MYO19: variants seen among roughly 807,000 people sequenced by gnomAD.
The protein encoded by MYO19 is unconventional myosin-XIX.
A neutral mutation model predicts 129.2 loss-of-function variants in MYO19; 132 were observed. The ratio of observed to expected loss-of-function variants is 1.02; its 90% CI spans 0.89 to 1.18. MYO19 has a LOEUF of 1.18. MYO19 is among the 50% of genes most tolerant of loss of function. MYO19 has a pLI of 0.00. For synonymous variants in MYO19, 531 were observed against 477.2 expected (o/e 1.11, Z -1.47); for missense variants, 1,210 against 1,216.7 (o/e 0.99, Z 0.08).
chr17:36,513,098 T>C, intron 11 of MYO19: 1 of 1,334,232 alleles, frequency 7.5e-7, no homozygotes, highest in East Asian at 3.0e-5. Context: ...TGAACATGAC[T>C]TGTAAGTTTT....
intron 16 of MYO19, 46 bp downstream of exon 16, chr17:36,507,353 C>T (rs1464844606): frequency 3.2e-6 from 5 of 1,576,260 alleles, no homozygotes; most frequent in Non-Finnish European, 4.3e-6. Flanking sequence ...CCCCAGAAAA[C>T]CCAAAGGCCA....
chr17:36,538,600 CTG>C (rs776328341), upstream of MYO19: 10 of 1,599,888 alleles, frequency 6.3e-6, no homozygotes, highest in East Asian at 4.5e-5. Context: ...CAAGATAAGA[CTG>C]TACAATTTTG....
intron 6 of MYO19, among the ~76,000 whole-genome samples, chr17:36,521,625 A>G (rs1264341512): frequency 2.0e-5 from 3 of 152,218 alleles, no homozygotes; most frequent in Non-Finnish European, 4.4e-5. Context: ...ACCCAGCATA[A>G]TAAGTGAAGA....
At chr17:36,528,442 C>T (rs1365369650) in intron 3 of MYO19, among the ~76,000 whole-genome samples, 4 of 151,288 alleles carry the variant, frequency 2.6e-5, no homozygotes, top group East Asian at 3.9e-4. Flanking sequence ...ACCCGGGAGG[C>T]GGAGCTTGCA....
rs1335425768 is a variant in MYO19, at chr17:36,514,447, T to C, written c.719A>G (p.Gln240Arg). 1 of 1,608,234 alleles carries C rather than the reference T, an allele frequency of 6.2e-7. No homozygotes were observed. Among genetic ancestry groups the C allele is most frequent in the Admixed American group, 1.7e-5 (1 of 60,012 alleles). Residue 240 changes from glutamine (Q) to arginine (R), a missense_variant and splice_region_variant, in exon 9 of 26, where the codon CAG becomes CGG. Transcript: ENST00000614623. ...SSERNFHIFYQICKGASEDER... is the reference protein window; with the variant it reads ...SSERNFHIFYRICKGASEDER... ...GCTGTGGCCCCATTTGGCACAAACC[T>C]GATAGAAGATGTGGAAGTTCCTCTC... is the stretch of plus-strand genomic sequence containing the variant.
At chr17:36,524,390 CAGA>C (rs1035073948) in intron 6 of MYO19, among the ~76,000 whole-genome samples, 10 of 152,300 alleles carry the variant, frequency 6.6e-5, no homozygotes, top group African/African-American at 1.9e-4. Flanking sequence ...TGAGTGAAGG[CAGA>C]AGGAGTTTAT....
At position 36,506,967 on chromosome 17, in the gene MYO19, T is replaced by C. The variant is rs1249279023; in HGVS notation, c.1640A>G (p.Asn547Ser). 1 of 1,593,608 alleles carries C rather than the reference T, an allele frequency of 6.3e-7. No homozygotes were observed. The highest frequency in any genetic ancestry group is 8.6e-7 in the Non-Finnish European group (1 of 1,164,898). ...AGGGCATGGCCCAGCCCGTACCTTG[T>C]TCTTCTCCACCAGGCCTGCTGTGTG... ...RYHTAGLVEK[N>S]KDPIPPELTR... Residue 547 changes from asparagine to serine, a missense_variant, in exon 17 of 26, where the codon AAC becomes AGC. Coordinates refer to ENST00000614623, the MANE Select transcript of MYO19 (RefSeq NM_001163735.2).
intron 5 of MYO19, 122 bp from the exon 6 acceptor site, chr17:36,525,463 A>C (rs1292855786): frequency 1.4e-6 from 1 of 712,082 alleles, no homozygotes; most frequent in Non-Finnish European, 2.4e-6. Flanking sequence ...CCTCCAGAAA[A>C]ATTTTCTGGA....
chr17:36,529,146 T>G (rs2142411106), intron 3 of MYO19, among the ~76,000 whole-genome samples: 1 of 151,266 alleles, frequency 6.6e-6, no homozygotes, highest in South Asian at 2.1e-4. Flanking sequence ...TCTCCTCCCT[T>G]GCCTATCTTT....
chr17:36,520,007 CT>C (rs35833566), intron 6 of MYO19, among the ~76,000 whole-genome samples: 3,931 of 151,268 alleles, frequency 0.026, 151 homozygotes, highest in African/African-American at 0.089. Flanking sequence ...ACTTTTTTTC[CT>C]TTTTTTTGAG....
Position 36,503,932 on chromosome 17 carries a change from G to A in MYO19, c.1976+18C>T, listed in dbSNP as rs375903383. 6.2e-5 allele frequency: 97 copies of A among 1,575,604 alleles called. 1 individual carries two copies. In the Admixed American group the frequency reaches 8.1e-4, roughly 13 times the overall value. ...CTCTGTACTGGCCCTGCACTGTGCC[G>A]TGATCGAGCCCACTCACCGGATGGG... is the stretch of plus-strand genomic sequence containing the variant. On this transcript the variant is annotated intron_variant, in intron 20 of 25. Coordinates refer to ENST00000614623, the MANE Select transcript of MYO19 (RefSeq NM_001163735.2).
intron 9 of MYO19, among the ~76,000 whole-genome samples, chr17:36,514,240 A>G (rs2072576487): frequency 6.6e-6 from 1 of 152,188 alleles, no homozygotes; most frequent in Non-Finnish European, 1.5e-5. Flanking sequence ...GAGGTAAAAC[A>G]TACTCCCAGG....
intron 6 of MYO19, among the ~76,000 whole-genome samples, chr17:36,518,012 C>T (rs371759276): frequency 3.3e-5 from 5 of 151,912 alleles, no homozygotes; most frequent in Admixed American, 6.6e-5. Flanking sequence ...ATCGCTTGAA[C>T]CCGGGAGGCG....
upstream of MYO19, among the ~76,000 whole-genome samples, chr17:36,536,524 CTTTTTTTT>C (rs10715370): frequency 4.0e-5 from 5 of 125,532 alleles, no homozygotes; most frequent in South Asian, 7.6e-4. Context: ...TTTTCTTTTC[CTTTTTTTT>C]TTTTTTTTTT....
Position 36,514,565 on chromosome 17 carries a change from C to G in MYO19, c.618-17G>C. On this transcript the variant is annotated splice_polypyrimidine_tract_variant and intron_variant, in intron 8 of 25. Coordinates refer to ENST00000614623, the MANE Select transcript of MYO19 (RefSeq NM_001163735.2). ...TGCTGAGCCCTGGGACACACACAGG[C>G]CAGAGCCCGTTAGTTGCCCATTCAT... 1 of 1,541,718 alleles carries G rather than the reference C, an allele frequency of 6.5e-7. No individual in the cohort carries two copies. Among genetic ancestry groups the G allele is most frequent in the Non-Finnish European group, 9.0e-7 (1 of 1,115,118 alleles).
chr17:36,505,213 G>C, intron 19 of MYO19, 84 bp downstream of exon 19: 1 of 1,223,896 alleles, frequency 8.2e-7, no homozygotes, highest in South Asian at 1.2e-5. Context: ...ACTCCATTTG[G>C]AACAGATGTC....
At chr17:36,538,024 C>T (rs2074166892), upstream of MYO19, 1 of 1,613,988 alleles carries the variant, frequency 6.2e-7, no homozygotes, top group African/African-American at 1.3e-5. Context: ...GGAATAATCT[C>T]TACCCTGGGG....
chr17:36,501,998 T>C, intron 21 of MYO19: 1 of 151,880 alleles, frequency 6.6e-6, no homozygotes, highest in Non-Finnish European at 1.5e-5. Flanking sequence ...CAGCAAACCA[T>C]GGAGAGGGAG....
chr17:36,506,663 C>T lies in MYO19; in HGVS notation c.1645-55G>A, dbSNP rs368124840. On this transcript the variant is annotated intron_variant, in intron 17 of 25. Transcript: ENST00000614623. ...GGGCAGGTGGAGCTTCTGCTCAGGG[C>T]CATCCACTGCCCACCCAAGCCGCAG... The T allele has an allele frequency of 2.8e-4, 412 of 1,497,202 alleles. 4 individuals are homozygous for T. The South Asian group carries it at 5.2e-3, about 19-fold the overall frequency. The allele number at this position is 1,497,202 out of a possible 1,614,324, so 92.7% of individuals were successfully genotyped here. A position where few individuals can be genotyped will look rare whatever the true frequency, so the allele number is the denominator to read the frequency against.
Sources: allele counts gnomAD v4.1 joint callset (sites outside exome capture counted in the v4.1 genomes callset), GRCh38; gene constraint gnomAD v4.1.1; transcripts MANE v1.5; gene names NCBI Gene and HGNC (gene_info 2026-07-23, HGNC 2026-07-21).